XKR4: variants seen among roughly 807,000 people sequenced by gnomAD.
XKR4 encodes the protein XK-related protein 4.
Under a neutral mutation model 53.9 loss-of-function variants are expected in XKR4, and 12 were observed. That is an observed-to-expected ratio of 0.22 (90% CI 0.14 to 0.36). The LOEUF (loss-of-function observed/expected upper bound fraction) is 0.36. XKR4 is among the 10% of genes least tolerant of loss of function. XKR4 has a pLI of 1.00. For synonymous variants in XKR4, 354 were observed against 362.4 expected, an observed-to-expected ratio of 0.98 and a Z score of 0.26; for missense variants, 799 against 859.5, an observed-to-expected ratio of 0.93 and a Z score of 0.88.
At chr8:55,425,643 C>T (rs1395049028) in intron 2 of XKR4, among the ~76,000 whole-genome samples, 8 of 152,262 alleles carry the variant, frequency 5.3e-5, no homozygotes, top group East Asian at 1.9e-4. Flanking sequence ...TTAGCCCCTC[C>T]GTTACCCACG....
At chr8:55,428,313 G>A (rs1353405950) in intron 2 of XKR4, among the ~76,000 whole-genome samples, 1 of 152,114 alleles carries the variant, frequency 6.6e-6, no homozygotes, top group African/African-American at 2.4e-5. Flanking sequence ...TTTCAGATTT[G>A]GGGATGACGT....
chr8:55,420,432 T>C (rs1262379243), intron 2 of XKR4, among the ~76,000 whole-genome samples: 1 of 150,676 alleles, frequency 6.6e-6, no homozygotes, highest in East Asian at 1.9e-4. Context: ...GTGGCACATA[T>C]ACACCATGGA....
rs1804637744 is a variant in XKR4 at position 55,403,429 on chromosome 8, A to G, written c.1006+45552A>G. 3.9e-5 allele frequency among the ~76,000 whole-genome samples: 6 copies of G among 152,366 alleles called. 1 individual carries two copies. In the South Asian group the frequency reaches 1.2e-3, roughly 32 times the overall value. On this transcript the variant is annotated intron_variant, in intron 2 of 2. Coordinates refer to ENST00000327381, the MANE Select transcript of XKR4 (RefSeq NM_052898.2). ...AAGTGAATTGGAAGTAACTTTTTCA[A>G]ACTATGTTTTTTAGGCACCTGTCAG...
chr8:55,457,724 T>A (rs545517562), intron 2 of XKR4, among the ~76,000 whole-genome samples: 8 of 152,316 alleles, frequency 5.3e-5, no homozygotes, highest in Admixed American at 1.3e-4. Flanking sequence ...AAAGACCCCC[T>A]TTTCCACTTA....
intron 2 of XKR4, chr8:55,451,524 T>TC (rs1805443091): frequency 9.6e-7 from 1 of 1,039,590 alleles, no homozygotes; most frequent in South Asian, 1.4e-5. Flanking sequence ...CCTTAAAGAG[T>TC]CCGACTACAC....
intron 2 of XKR4, among the ~76,000 whole-genome samples, chr8:55,482,787 G>A (rs975440636): frequency 1.9e-4 from 29 of 152,198 alleles, no homozygotes; most frequent in African/African-American, 6.7e-4. Context: ...TTCATTGAAT[G>A]TATTTTGGAT....
chr8:55,463,735 TAATAA>T (rs893761653), intron 2 of XKR4, among the ~76,000 whole-genome samples: 2 of 151,934 alleles, frequency 1.3e-5, no homozygotes, highest in Non-Finnish European at 2.9e-5. Flanking sequence ...CTAGCAAGAC[TAATAA>T]AGAAGAAAAG....
chr8:55,198,488 TTA>T (rs1308886949), intron 1 of XKR4, among the ~76,000 whole-genome samples: 3 of 151,664 alleles, frequency 2.0e-5, no homozygotes, highest in Non-Finnish European at 4.4e-5. Flanking sequence ...GTGCATATTT[TTA>T]TATGTTATAA....
At chr8:55,373,552 A>G (rs1034363828) in intron 2 of XKR4, among the ~76,000 whole-genome samples, 7 of 152,238 alleles carry the variant, frequency 4.6e-5, no homozygotes, top group Non-Finnish European at 8.8e-5. Context: ...TCCCTACACT[A>G]GGGTTGAAAA....
At chr8:55,510,449 G>C (rs1383430518) in intron 2 of XKR4, among the ~76,000 whole-genome samples, 1 of 152,164 alleles carries the variant, frequency 6.6e-6, no homozygotes, top group Admixed American at 6.5e-5. Flanking sequence ...ATCATAGACA[G>C]TTCATTTTAA....
chr8:55,136,056 G>T (rs1032197247), intron 1 of XKR4, among the ~76,000 whole-genome samples: 9 of 152,002 alleles, frequency 5.9e-5, no homozygotes, highest in Admixed American at 4.6e-4. Flanking sequence ...ACCATACCTG[G>T]CTAATTTTTG....
At chr8:55,488,343 C>A (rs574340356) in intron 2 of XKR4, among the ~76,000 whole-genome samples, 38 of 152,150 alleles carry the variant, frequency 2.5e-4, no homozygotes, top group Non-Finnish European at 3.8e-4. Flanking sequence ...TAGATATTTA[C>A]TCAAGTTAGT....
Position 55,141,593 on chromosome 8 carries a change from C to T in XKR4, c.806+38299C>T, listed in dbSNP as rs572209301. On this transcript the variant is annotated intron_variant, in intron 1 of 2. Coordinates refer to ENST00000327381, the MANE Select transcript of XKR4 (RefSeq NM_052898.2). ...AGTGGGGGTTGATTCTCGTCACCCT[C>T]TGCATCCGAGTGGGCCTGAGCTCTA... Among the ~76,000 whole-genome samples, 16 of 151,346 alleles carry T rather than the reference C, an allele frequency of 1.1e-4. No homozygotes were observed. In the East Asian group the frequency reaches 2.9e-3, roughly 28 times the overall value.
intron 2 of XKR4, among the ~76,000 whole-genome samples, chr8:55,486,031 A>C (rs1479044305): frequency 6.6e-6 from 1 of 152,246 alleles, no homozygotes; most frequent in Non-Finnish European, 1.5e-5. Context: ...CACTTTATAC[A>C]GTAAAATAGA....
intron 1 of XKR4, among the ~76,000 whole-genome samples, chr8:55,301,241 C>T (rs1003351892): frequency 1.0e-4 from 15 of 146,954 alleles, no homozygotes; most frequent in East Asian, 4.1e-4. Context: ...TGAGAACATG[C>T]GGTGTTTGGT....
chr8:55,166,764 A>T (rs533273548), intron 1 of XKR4, among the ~76,000 whole-genome samples: 1 of 152,272 alleles, frequency 6.6e-6, no homozygotes, highest in Admixed American at 6.5e-5. Flanking sequence ...GGGCAGCAAG[A>T]AGGTCAATGT....
chr8:55,236,046 T>C (rs13282014), intron 1 of XKR4, among the ~76,000 whole-genome samples: 23,316 of 152,182 alleles, frequency 0.15, 2,166 homozygotes, highest in Non-Finnish European at 0.21. Context: ...TTGGCTGGTG[T>C]AGTCATCACA....
At chr8:55,169,159 G>C (rs1315724636) in intron 1 of XKR4, among the ~76,000 whole-genome samples, 2 of 152,018 alleles carry the variant, frequency 1.3e-5, no homozygotes, top group Admixed American at 1.3e-4. Flanking sequence ...TTCATATTTC[G>C]TATTCAATTG....
chr8:55,399,970 T>C (rs1192658055), intron 2 of XKR4, among the ~76,000 whole-genome samples: 1 of 152,144 alleles, frequency 6.6e-6, no homozygotes, highest in Non-Finnish European at 1.5e-5. Flanking sequence ...CTCGGGTTTC[T>C]CCCACTGCCC....
Sources: gnomAD v4.1 joint callset for allele counts (sites outside exome capture counted in the v4.1 genomes callset) on GRCh38, gnomAD v4.1.1 for gene constraint, MANE v1.5 for transcripts, NCBI Gene and HGNC (gene_info 2026-07-23, HGNC 2026-07-21) for gene names.